The following TNR variants were observed in gnomAD, a reference collection of about 807,000 sequenced individuals.
TNR encodes tenascin R.
TNR carries 45 observed loss-of-function variants against 150.4 expected under a neutral mutation model. That is an observed-to-expected ratio of 0.30 (90% CI 0.24 to 0.38). The LOEUF (loss-of-function observed/expected upper bound fraction) is 0.38, where lower values mean the gene tolerates loss of function less well. TNR is among the 10% of genes least tolerant of loss of function. TNR has a pLI of 1.00. For synonymous variants in TNR, 687 were observed against 678.4 expected (o/e 1.01, Z -0.20); for missense variants, 1,544 against 1,759.1 (o/e 0.88, Z 2.19).
At chr1:175,331,078 C>CTTCT (rs1434211485) in intron 20 of TNR, among the ~76,000 whole-genome samples, 1,625 of 60,040 alleles carry the variant, frequency 0.027, 225 homozygotes, top group African/African-American at 0.077. Context: ...TCTTTCTTTC[C>CTTCT]TTCTTTCTTT....
chr1:175,516,889 C>T lies in TNR; in HGVS notation c.-64+11380G>A, dbSNP rs532722393. Among the ~76,000 whole-genome samples the T allele has an allele frequency of 3.9e-5, 6 of 152,216 alleles. No individual in the cohort carries two copies. In the South Asian group the frequency reaches 1.2e-3, roughly 32 times the overall value. On this transcript the variant is annotated intron_variant, in intron 2 of 22. Coordinates refer to ENST00000367674, the MANE Select transcript of TNR (RefSeq NM_003285.3). ...AATAAACATGTGGACATGTGCACAA[C>T]TTATATGTCATATAAGGACAGAGAT...
chr1:175,705,269 C>T (rs1666814966), intron 1 of TNR, among the ~76,000 whole-genome samples: 1 of 152,182 alleles, frequency 6.6e-6, no homozygotes, highest in Admixed American at 6.5e-5. Context: ...GCCTTGAACT[C>T]AGCCACTGTA....
intron 1 of TNR, among the ~76,000 whole-genome samples, chr1:175,649,917 T>A (rs1017608103): frequency 1.3e-5 from 2 of 152,200 alleles, no homozygotes; most frequent in Non-Finnish European, 2.9e-5. Flanking sequence ...GCCTGGAAGA[T>A]GTTTCCCTCA....
chr1:175,534,977 A>G (rs966345074), intron 1 of TNR, among the ~76,000 whole-genome samples: 3 of 152,182 alleles, frequency 2.0e-5, no homozygotes, highest in Non-Finnish European at 4.4e-5. Flanking sequence ...CCATGTGAAG[A>G]AGGACATGTT....
At chr1:175,459,554 T>C (rs1416891321) in intron 2 of TNR, among the ~76,000 whole-genome samples, 2 of 152,214 alleles carry the variant, frequency 1.3e-5, no homozygotes, top group Non-Finnish European at 2.9e-5. Context: ...AGGCCAATGC[T>C]ACAAAGAAAA....
intron 1 of TNR, among the ~76,000 whole-genome samples, chr1:175,706,256 T>G (rs546209870): frequency 6.6e-6 from 1 of 152,122 alleles, no homozygotes; most frequent in African/African-American, 2.4e-5. Flanking sequence ...GCACCAAATA[T>G]CAGAATGCTA....
chr1:175,460,537 G>A (rs1403397161), intron 2 of TNR, among the ~76,000 whole-genome samples: 1 of 152,136 alleles, frequency 6.6e-6, no homozygotes, highest in Admixed American at 6.5e-5. Flanking sequence ...ATTACTTTCT[G>A]TTCTGCCACA....
intron 2 of TNR, among the ~76,000 whole-genome samples, chr1:175,522,775 T>C (rs1272933441): frequency 6.6e-6 from 1 of 152,176 alleles, no homozygotes; most frequent in African/African-American, 2.4e-5. Flanking sequence ...ATAAAGAAAC[T>C]CATTCACAAA....
chr1:175,480,274 A>T lies in TNR; in HGVS notation c.-64+47995T>A, dbSNP rs1657723681. The stretch of plus-strand genomic sequence containing the variant: ...AAGTGGCTCAGGGAATGTGATGAGC[A>T]GAGGGAGGGCTGGACATAGTAAAAA... On this transcript the variant is annotated intron_variant, in intron 2 of 22. Transcript: ENST00000367674. Among the ~76,000 whole-genome samples the T allele has an allele frequency of 2.0e-5, 3 of 150,192 alleles. No homozygotes were observed. In the South Asian group the frequency reaches 6.5e-4, roughly 32 times the overall value.
chr1:175,403,619 G>A lies in TNR; in HGVS notation c.500-3C>T. On this transcript the variant is annotated splice_region_variant and splice_polypyrimidine_tract_variant and intron_variant, in intron 3 of 22. Coordinates refer to ENST00000367674, the MANE Select transcript of TNR (RefSeq NM_003285.3). ...GTGAGGGATATAGTCCAGTTGTCCT[G>A]GAATGGTCAAGGAGAAGGTCAAAGA... 5 of 1,607,420 alleles carry A rather than the reference G, an allele frequency of 3.1e-6. No individual in the cohort carries two copies. Among genetic ancestry groups the A allele is most frequent in the Non-Finnish European group, 4.3e-6 (5 of 1,175,752 alleles).
intron 20 of TNR, among the ~76,000 whole-genome samples, chr1:175,331,086 T>TTTCTTTCTTTCCTTC (rs1649840635): frequency 9.4e-6 from 1 of 105,844 alleles, no homozygotes; most frequent in African/African-American, 3.5e-5. Flanking sequence ...TCCTTCTTTC[T>TTTCTTTCTTTCCTTC]TTCTTTCTTT....
intron 18 of TNR, among the ~76,000 whole-genome samples, chr1:175,349,113 G>C (rs143060974): frequency 3.3e-5 from 5 of 152,274 alleles, no homozygotes; most frequent in African/African-American, 9.6e-5. Context: ...GATGCATGTC[G>C]TTAGGAAATA....
intron 1 of TNR, among the ~76,000 whole-genome samples, chr1:175,552,482 C>G (rs755677347): frequency 2.0e-5 from 3 of 152,194 alleles, no homozygotes; most frequent in Non-Finnish European, 4.4e-5. Context: ...TCCTAACAAC[C>G]ATGTGCAGTA....
At chr1:175,613,598 G>T (rs1663669642) in intron 1 of TNR, among the ~76,000 whole-genome samples, 1 of 152,036 alleles carries the variant, frequency 6.6e-6, no homozygotes, top group Admixed American at 6.6e-5. Context: ...AGGACCTGTT[G>T]CTCTGCCCTG....
At chr1:175,506,273 C>A (rs537073150) in intron 2 of TNR, among the ~76,000 whole-genome samples, 2 of 152,280 alleles carry the variant, frequency 1.3e-5, no homozygotes, top group South Asian at 4.2e-4. Context: ...TATATTTGTT[C>A]AGAAACAATG....
intron 1 of TNR, among the ~76,000 whole-genome samples, chr1:175,682,330 A>T (rs1666058542): frequency 6.6e-6 from 1 of 151,932 alleles, no homozygotes; most frequent in African/African-American, 2.4e-5. Flanking sequence ...CCTCACAATG[A>T]CTCTATGGAG....
At chr1:175,510,661 A>C (rs571726238) in intron 2 of TNR, among the ~76,000 whole-genome samples, 11 of 152,376 alleles carry the variant, frequency 7.2e-5, no homozygotes, top group Non-Finnish European at 1.6e-4. Flanking sequence ...AACTATAAAA[A>C]GAAGAAAGTA....
chr1:175,591,446 G>A lies in TNR; in HGVS notation c.-164-63077C>T, dbSNP rs147810371. 1.3e-3 allele frequency among the ~76,000 whole-genome samples: 193 copies of A among 152,342 alleles called. 1 individual carries two copies. The East Asian group carries it at 0.029, about 23-fold the overall frequency. ...AATTGCTATTATGAGCAGACTCCCAGCCATGGCTCCTTCAGCACATGCTGC... is the reference window on the plus strand; with the variant it reads ...AATTGCTATTATGAGCAGACTCCCAACCATGGCTCCTTCAGCACATGCTGC... On this transcript the variant is annotated intron_variant, in intron 1 of 22. Coordinates refer to ENST00000367674, the MANE Select transcript of TNR (RefSeq NM_003285.3).
At chr1:175,535,459 G>A (rs1330795042) in intron 1 of TNR, among the ~76,000 whole-genome samples, 1 of 151,648 alleles carries the variant, frequency 6.6e-6, no homozygotes, top group African/African-American at 2.4e-5. Flanking sequence ...TGTTGTTGTT[G>A]TTGTTGTTGT....
Sources: gnomAD v4.1 joint callset for allele counts (sites outside exome capture counted in the v4.1 genomes callset) on GRCh38, gnomAD v4.1.1 for gene constraint, MANE v1.5 for transcripts, NCBI Gene and HGNC (gene_info 2026-07-23, HGNC 2026-07-21) for gene names.